Variants in TMEM163 observed in about 807,000 individuals in gnomAD.
The protein encoded by TMEM163 is transmembrane protein 163.
In TMEM163, 17 loss-of-function variants were observed where a neutral mutation model predicts 29.3. The observed-to-expected ratio is 0.58, with a 90% CI of 0.40 to 0.87. The LOEUF (loss-of-function observed/expected upper bound fraction) is 0.87, where lower values mean the gene tolerates loss of function less well. Among genes scored for constraint, TMEM163 ranks in the 40% least tolerant of loss-of-function variants. TMEM163 has a pLI of 0.00. For synonymous variants in TMEM163, 157 were observed against 160.6 expected, an observed-to-expected ratio of 0.98 and a Z score of 0.17; for missense variants, 303 against 381.5, an observed-to-expected ratio of 0.79 and a Z score of 1.71.
chr2:134,711,601 T>C (rs1431757833), intron 2 of TMEM163, among the ~76,000 whole-genome samples: 1 of 152,236 alleles, frequency 6.6e-6, no homozygotes, highest in Non-Finnish European at 1.5e-5. Context: ...TAATTCTGTA[T>C]GCACTATGCA....
At chr2:134,463,048 C>A (rs1479994158) in intron 6 of TMEM163, among the ~76,000 whole-genome samples, 1 of 152,236 alleles carries the variant, frequency 6.6e-6, no homozygotes, top group East Asian at 1.9e-4. Context: ...CCACTGGGAG[C>A]CCACAAAGCT....
rs1679731755 is a variant in TMEM163, at chr2:134,502,964, C to G, written c.492G>C (p.Leu164=). Residue 164 remains leucine (L), a synonymous_variant, in exon 5 of 8, where the codon CTG becomes CTC. Transcript: ENST00000281924. ...ACVILGVIFL[L]SSICIVVKAI... is the part of the protein sequence containing the mutation. Reference sequence around the variant, plus strand: ...CTTTGACCACTATACATATGGATGACAGAAGGAATATCACCCCCAAGATGA... The same window carrying G: ...CTTTGACCACTATACATATGGATGAGAGAAGGAATATCACCCCCAAGATGA... 1 of 1,613,570 alleles carries G rather than the reference C, an allele frequency of 6.2e-7. No individual in the cohort carries two copies. Among genetic ancestry groups the G allele is most frequent in the Admixed American group, 1.7e-5 (1 of 59,958 alleles).
intron 2 of TMEM163, among the ~76,000 whole-genome samples, chr2:134,612,788 G>T (rs1426238636): frequency 6.6e-6 from 1 of 152,080 alleles, no homozygotes; most frequent in Non-Finnish European, 1.5e-5. Flanking sequence ...TCTTGGGGAG[G>T]CAAGATAATT....
At chr2:134,573,081 C>T (rs561906362) in intron 2 of TMEM163, among the ~76,000 whole-genome samples, 1 of 152,126 alleles carries the variant, frequency 6.6e-6, no homozygotes, top group Non-Finnish European at 1.5e-5. Flanking sequence ...CTTTCAGGCT[C>T]AACTGGCCTG....
chr2:134,699,320 A>G (rs1183216954), intron 2 of TMEM163, among the ~76,000 whole-genome samples: 1 of 152,198 alleles, frequency 6.6e-6, no homozygotes, highest in Non-Finnish European at 1.5e-5. Flanking sequence ...GCTGGCCAAC[A>G]TGGTGAAACA....
chr2:134,681,027 C>T (rs958689802), intron 2 of TMEM163, among the ~76,000 whole-genome samples: 2 of 152,180 alleles, frequency 1.3e-5, no homozygotes, highest in Non-Finnish European at 2.9e-5. Flanking sequence ...GAGCCGCCAC[C>T]CATCTTTATA....
At chr2:134,552,586 AAC>A (rs1201239193) in intron 2 of TMEM163, among the ~76,000 whole-genome samples, 3 of 152,198 alleles carry the variant, frequency 2.0e-5, no homozygotes, top group Non-Finnish European at 2.9e-5. Flanking sequence ...GATCTTAAAC[AAC>A]AGATGTCTAC....
chr2:134,637,157 T>C (rs1683122538), intron 2 of TMEM163, among the ~76,000 whole-genome samples: 2 of 152,170 alleles, frequency 1.3e-5, no homozygotes, highest in South Asian at 2.1e-4. Flanking sequence ...GTTGGGCGAT[T>C]ACAAAACATT....
chr2:134,606,290 C>T (rs1682356464), intron 2 of TMEM163, among the ~76,000 whole-genome samples: 1 of 151,844 alleles, frequency 6.6e-6, no homozygotes, highest in South Asian at 2.1e-4. Context: ...TTGCAGTGAG[C>T]TAAGACCGCA....
At chr2:134,482,760 C>T (rs894392908) in intron 5 of TMEM163, among the ~76,000 whole-genome samples, 4 of 152,154 alleles carry the variant, frequency 2.6e-5, no homozygotes, top group African/African-American at 9.7e-5. Context: ...ACCGTGGATT[C>T]ACATTCAATG....
intron 6 of TMEM163, among the ~76,000 whole-genome samples, chr2:134,464,928 T>A (rs1266728798): frequency 6.6e-6 from 1 of 152,100 alleles, no homozygotes; most frequent in Non-Finnish European, 1.5e-5. Context: ...AAGGAGCCCA[T>A]GCCATGTCAC....
At chr2:134,658,176 A>G (rs1683664152) in intron 2 of TMEM163, among the ~76,000 whole-genome samples, 1 of 152,236 alleles carries the variant, frequency 6.6e-6, no homozygotes, top group Non-Finnish European at 1.5e-5. Flanking sequence ...TGCATAGGCA[A>G]AAGCCTATGA....
intron 4 of TMEM163, among the ~76,000 whole-genome samples, chr2:134,529,773 A>T (rs1680380169): frequency 6.6e-6 from 1 of 152,154 alleles, no homozygotes; most frequent in South Asian, 2.1e-4. Flanking sequence ...TCAAAAAAAA[A>T]AATTGTCCAG....
chr2:134,623,708 G>T (rs117760136), intron 2 of TMEM163, among the ~76,000 whole-genome samples: 1 of 152,034 alleles, frequency 6.6e-6, no homozygotes, highest in African/African-American at 2.4e-5. Flanking sequence ...CAGAGGTTAC[G>T]GTGAGCCGAG....
At chr2:134,672,134 G>A (rs1252363025) in intron 2 of TMEM163, among the ~76,000 whole-genome samples, 1 of 152,186 alleles carries the variant, frequency 6.6e-6, no homozygotes, top group African/African-American at 2.4e-5. Context: ...TGTATTAGCT[G>A]TTGCTATTTC....
At chr2:134,644,019 A>G (rs1422163004) in intron 2 of TMEM163, among the ~76,000 whole-genome samples, 1 of 152,126 alleles carries the variant, frequency 6.6e-6, no homozygotes, top group Non-Finnish European at 1.5e-5. Flanking sequence ...AGCATTTACA[A>G]TAGTTCCAAA....
intron 2 of TMEM163, among the ~76,000 whole-genome samples, chr2:134,655,959 G>A (rs1236500054): frequency 6.9e-6 from 1 of 145,070 alleles, no homozygotes; most frequent in Admixed American, 6.8e-5. Context: ...AAAGCTGTCA[G>A]ACAGGGACAC....
intron 4 of TMEM163, among the ~76,000 whole-genome samples, chr2:134,517,225 C>T (rs943045993): frequency 2.0e-5 from 3 of 152,146 alleles, no homozygotes; most frequent in Non-Finnish European, 4.4e-5. Context: ...GGCAAACACC[C>T]CATGGCATGT....
intron 4 of TMEM163, among the ~76,000 whole-genome samples, chr2:134,523,663 C>T (rs1053110943): frequency 1.3e-5 from 2 of 152,268 alleles, no homozygotes; most frequent in African/African-American, 4.8e-5. Context: ...CTCTTCCAGG[C>T]ATTTAGGATC....
Sources: allele counts gnomAD v4.1 joint callset (sites outside exome capture counted in the v4.1 genomes callset), GRCh38; gene constraint gnomAD v4.1.1; transcripts MANE v1.5; gene names NCBI Gene and HGNC (gene_info 2026-07-23, HGNC 2026-07-21).